The following PHKA1 variants were observed in gnomAD, a reference collection of about 807,000 sequenced individuals.
PHKA1 encodes phosphorylase b kinase regulatory subunit alpha, skeletal muscle isoform.
PHKA1 carries 60 observed loss-of-function variants against 110.2 expected under a neutral mutation model. The ratio of observed to expected loss-of-function variants is 0.54; its 90% CI spans 0.44 to 0.68. PHKA1 has a LOEUF of 0.68. Ranked by LOEUF, PHKA1 falls within the 30% of genes least tolerant of loss-of-function variation. The pLI, the probability that PHKA1 is intolerant of heterozygous loss-of-function variation, is 0.00. For missense variants in PHKA1, 801 were observed against 942.5 expected (o/e 0.85, Z 1.97); for synonymous variants, 316 against 333.6 (o/e 0.95, Z 0.58).
At chrX:72,670,668 T>C (rs2053681644) in intron 6 of PHKA1, among the ~76,000 whole-genome samples, 1 of 111,671 alleles carries the variant, frequency 9.0e-6, no homozygotes, top group Admixed American at 9.5e-5. Flanking sequence ...CTGATGAACA[T>C]CGATGCAAAA....
chrX:72,642,490 G>A (rs987507867), intron 14 of PHKA1, among the ~76,000 whole-genome samples: 4 of 111,788 alleles, frequency 3.6e-5, no homozygotes, highest in African/African-American at 1.3e-4. Context: ...TGGGTAAGAT[G>A]TTGGCTAAAT....
At chrX:72,622,922 C>T (rs1438091220) in intron 18 of PHKA1, 187 bp downstream of exon 18, 13 of 751,365 alleles carry the variant, frequency 1.7e-5, no homozygotes, top group East Asian at 1.5e-4. Context: ...CCACAATTAC[C>T]GCAGGAATAT....
At chrX:72,587,075 A>C (rs2052443398) in intron 29 of PHKA1, among the ~76,000 whole-genome samples, 2 of 110,810 alleles carry the variant, frequency 1.8e-5, no homozygotes. Flanking sequence ...TCAGGAAATA[A>C]AGAGAACAAC....
At chrX:72,622,345 C>T (rs1457122779) in intron 18 of PHKA1, 5 of 752,275 alleles carry the variant, frequency 6.6e-6, no homozygotes, top group Non-Finnish European at 7.8e-6. Context: ...AATTGGCTGC[C>T]TTAAGATACA....
intron 13 of PHKA1, among the ~76,000 whole-genome samples, chrX:72,649,523 G>A (rs1176549417): frequency 8.9e-6 from 1 of 111,795 alleles, no homozygotes; most frequent in African/African-American, 3.3e-5. Flanking sequence ...ATAGAACTCA[G>A]CCTAGAGTTC....
intron 5 of PHKA1, among the ~76,000 whole-genome samples, chrX:72,678,558 G>T (rs1045770200): frequency 1.8e-5 from 2 of 111,545 alleles, no homozygotes; most frequent in Admixed American, 9.5e-5. Context: ...ATATAATGGA[G>T]AGGCCAAAGA....
rs1556296550 is a variant in PHKA1, at chrX:72,644,416, A to G, written c.1405T>C (p.Tyr469His). Residue 469 changes from tyrosine to histidine, a missense_variant, in exon 14 of 32, where the codon TAC (tyrosine) becomes CAC (histidine). By Grantham distance (83) the Tyr-to-His change is moderately conservative. This residue lies in a region of PHKA1 where 299 missense variants were observed against 423.3 expected (regional missense o/e 0.71). Coordinates refer to ENST00000373542, the MANE Select transcript of PHKA1 (RefSeq NM_002637.4). ...CGAGCTGGTTGTACTCTGATGGGGT[A>G]TACCTCAGCAATGGTCTCCACGTAA... ...GIYVETIAEV[Y>H]PIRVQPARIL... 1 of 1,207,235 alleles carries G rather than the reference A, an allele frequency of 8.3e-7. No homozygotes were observed. Among genetic ancestry groups the G allele is most frequent in the Non-Finnish European group, 1.1e-6 (1 of 891,646 alleles).
At chrX:72,674,357 T>C (rs915692683) in intron 6 of PHKA1, among the ~76,000 whole-genome samples, 3 of 110,260 alleles carry the variant, frequency 2.7e-5, no homozygotes, top group Non-Finnish European at 5.7e-5. Flanking sequence ...GTATTTCTAG[T>C]TCTAGATCCC....
chrX:72,660,527 G>T, intron 8 of PHKA1: 1 of 402,148 alleles, frequency 2.5e-6, no homozygotes, highest in South Asian at 5.7e-5. Context: ...GTATAGAATT[G>T]GACCATAACA....
chrX:72,686,818 A>G (rs1556319001), intron 4 of PHKA1, among the ~76,000 whole-genome samples: 2 of 111,842 alleles, frequency 1.8e-5, no homozygotes, highest in East Asian at 5.6e-4. Context: ...TTCCTTTTTG[A>G]TACATTTCAG....
intron 3 of PHKA1, among the ~76,000 whole-genome samples, chrX:72,702,507 G>A (rs1472616872): frequency 9.0e-6 from 1 of 111,416 alleles, no homozygotes; most frequent in South Asian, 3.8e-4. Context: ...GCCTAATAAT[G>A]TATGGACTTC....
intron 29 of PHKA1, 113 bp from the exon 30 acceptor site, chrX:72,584,415 T>C: frequency 1.4e-6 from 1 of 698,687 alleles, no homozygotes; most frequent in South Asian, 2.3e-5. Context: ...ATGTGGTATA[T>C]GCTGAGTAAT....
chrX:72,612,080 T>C (rs1227883724), intron 21 of PHKA1, among the ~76,000 whole-genome samples: 1 of 111,943 alleles, frequency 8.9e-6, no homozygotes, highest in African/African-American at 3.2e-5. Context: ...AACCCAAATG[T>C]CCATCATCTG....
intron 29 of PHKA1, among the ~76,000 whole-genome samples, chrX:72,588,204 T>C (rs1556217831): frequency 8.9e-6 from 1 of 111,957 alleles, no homozygotes; most frequent in African/African-American, 3.2e-5. Context: ...TCAGCAAATG[T>C]AAAACAGAAA....
At position 72,635,136 on chromosome X, in the gene PHKA1, T is replaced by C. The variant is rs1339324838; in HGVS notation, c.1714+19A>G. On this transcript the variant is annotated intron_variant, in intron 16 of 31. Coordinates refer to ENST00000373542, the MANE Select transcript of PHKA1 (RefSeq NM_002637.4). The stretch of plus-strand genomic sequence containing the variant: ...TTATTTCCAAAATACATTCGTTCCT[T>C]GCCTCATGCAGCCCTTACCAAGCAT... 1 of 1,209,402 alleles carries C rather than the reference T, an allele frequency of 8.3e-7. No homozygotes were observed. The highest frequency in any genetic ancestry group is 1.7e-5 in the African/African-American group (1 of 57,265).
Position 72,602,152 on chromosome X carries a change from T to C in PHKA1, c.3033+6A>G. On this transcript the variant is annotated splice_donor_region_variant and intron_variant, in intron 27 of 31. Transcript: ENST00000373542. The stretch of plus-strand genomic sequence containing the variant: ...ATCCCAGCTAATCTCCCAGGTAGTA[T>C]CTTACCTGCTTTATCTCACTTTTTA... The C allele has an allele frequency of 8.6e-7, 1 of 1,156,751 alleles. No individual in the cohort carries two copies. Among genetic ancestry groups the C allele is most frequent in the Non-Finnish European group, 1.2e-6 (1 of 845,897 alleles).
In PHKA1 at chrX:72,655,868, C is replaced by A. The variant is rs1280237550; in HGVS notation, c.1041+252G>T. 2.7e-5 allele frequency among the ~76,000 whole-genome samples: 3 copies of A among 112,393 alleles called. No individual in the cohort carries two copies. The East Asian group carries it at 8.4e-4, about 31-fold the overall frequency. On this transcript the variant is annotated intron_variant, in intron 10 of 31. Coordinates refer to ENST00000373542, the MANE Select transcript of PHKA1 (RefSeq NM_002637.4). ...ATCTCCTGACCTCGTGATCCGCCCG[C>A]CTCGGCCTCCCAAAGTGCTGGGATT...
chrX:72,700,033 AACCAACTCC>A (rs2054186439), intron 3 of PHKA1, among the ~76,000 whole-genome samples: 1 of 112,199 alleles, frequency 8.9e-6, no homozygotes, highest in South Asian at 3.7e-4. Flanking sequence ...TTAAAGCATT[AACCAACTCC>A]ACCAACTCCT....
Position 72,602,049 on chromosome X carries a change from A to T in PHKA1, c.3034-20T>A. 1 of 1,175,197 alleles carries T rather than the reference A, an allele frequency of 8.5e-7. No individual in the cohort carries two copies. The highest frequency in any genetic ancestry group is 1.2e-6 in the Non-Finnish European group (1 of 863,569). On this transcript the variant is annotated intron_variant, in intron 27 of 31. Transcript: ENST00000373542. ...TTCCACCTGAAACATAAATGGCTCAAATTAAACTCAGAATGTGAAACAAAA... is the reference window on the plus strand; with the variant it reads ...TTCCACCTGAAACATAAATGGCTCATATTAAACTCAGAATGTGAAACAAAA...
Sources: allele counts gnomAD v4.1 joint callset (sites outside exome capture counted in the v4.1 genomes callset), GRCh38; gene constraint gnomAD v4.1.1; regional missense constraint gnomAD v4.1.1; transcripts MANE v1.5; gene names NCBI Gene and HGNC (gene_info 2026-07-23, HGNC 2026-07-21).